PGCKA1: variants seen among roughly 807,000 people sequenced by gnomAD.
PGCKA1 encodes PDCD10 and GCKIII kinases associated 1.
At chr4:37,541,052 A>G in the PGCKA1 span, among the ~76,000 whole-genome samples, 1 of 143,884 alleles carries the variant, frequency 7.0e-6, no homozygotes, top group East Asian at 2.0e-4. Context: ...GAGAAGTCCC[A>G]GGCTGGCTGA....
At chr4:37,532,890 G>T in the PGCKA1 span, among the ~76,000 whole-genome samples, 2 of 151,856 alleles carry the variant, frequency 1.3e-5, no homozygotes, top group African/African-American at 4.8e-5. Flanking sequence ...ATGCATTTTT[G>T]TAGTGTGTGT....
At chr4:37,592,466 C>T in the PGCKA1 span, among the ~76,000 whole-genome samples, 1 of 151,806 alleles carries the variant, frequency 6.6e-6, no homozygotes, top group South Asian at 2.1e-4. Context: ...GATGCCATAA[C>T]TAAATGTCCT....
chr4:37,534,412 T>G, the PGCKA1 span, among the ~76,000 whole-genome samples: 1 of 152,170 alleles, frequency 6.6e-6, no homozygotes, highest in Non-Finnish European at 1.5e-5. Context: ...GACCAGACTG[T>G]CTTGAATCTA....
chr4:37,552,359 G>A, the PGCKA1 span, among the ~76,000 whole-genome samples: 1 of 152,144 alleles, frequency 6.6e-6, no homozygotes, highest in Non-Finnish European at 1.5e-5. Flanking sequence ...GTGCACTTGG[G>A]GAGCTCAGAT....
chr4:37,518,373 T>C, the PGCKA1 span, among the ~76,000 whole-genome samples: 2 of 152,350 alleles, frequency 1.3e-5, no homozygotes, highest in South Asian at 4.1e-4. Context: ...GTTGCACTAA[T>C]TTACATTCCC....
the PGCKA1 span, among the ~76,000 whole-genome samples, chr4:37,544,495 T>C: frequency 8.6e-6 from 1 of 116,554 alleles, no homozygotes; most frequent in Non-Finnish European, 1.9e-5. Context: ...ATGTCCTGGA[T>C]TGGTCTTCTA....
At chr4:37,504,856 T>A in the PGCKA1 span, among the ~76,000 whole-genome samples, 2 of 152,226 alleles carry the variant, frequency 1.3e-5, no homozygotes, top group Non-Finnish European at 2.9e-5. Context: ...AAGATCATAT[T>A]ATCTTCAAAT....
chr4:37,537,888 C>T, the PGCKA1 span, among the ~76,000 whole-genome samples: 1 of 152,160 alleles, frequency 6.6e-6, no homozygotes, highest in Non-Finnish European at 1.5e-5. Flanking sequence ...AGCTAGGACA[C>T]TGGAATGCTT....
the PGCKA1 span, among the ~76,000 whole-genome samples, chr4:37,550,686 C>T: frequency 7.9e-5 from 12 of 152,314 alleles, no homozygotes; most frequent in Admixed American, 2.0e-4. Flanking sequence ...CTATGATGAA[C>T]TAAATGTGCC....
chr4:37,544,234 G>GT, the PGCKA1 span, among the ~76,000 whole-genome samples: 8 of 151,992 alleles, frequency 5.3e-5, no homozygotes, highest in South Asian at 2.1e-4. Flanking sequence ...ATATCATTGA[G>GT]TTTTTTTTGT....
At chr4:37,511,583 C>T in the PGCKA1 span, among the ~76,000 whole-genome samples, 1 of 151,532 alleles carries the variant, frequency 6.6e-6, no homozygotes, top group East Asian at 2.0e-4. Flanking sequence ...AGATGCAAGA[C>T]AGTTGTCCTT....
At chr4:37,580,894 C>T in the PGCKA1 span, among the ~76,000 whole-genome samples, 1 of 152,170 alleles carries the variant, frequency 6.6e-6, no homozygotes, top group Non-Finnish European at 1.5e-5. Context: ...AGTCAAAATC[C>T]TTAGAGATCT....
the PGCKA1 span, among the ~76,000 whole-genome samples, chr4:37,468,955 T>C: frequency 6.6e-6 from 1 of 152,036 alleles, no homozygotes; most frequent in Non-Finnish European, 1.5e-5. Flanking sequence ...AGGATTTTGA[T>C]ATACAGTCAT....
At chr4:37,525,560 T>C in the PGCKA1 span, among the ~76,000 whole-genome samples, 25 of 152,262 alleles carry the variant, frequency 1.6e-4, no homozygotes, top group East Asian at 3.9e-3. Flanking sequence ...ATTCATGAAG[T>C]CTCAAGTCTT....
the PGCKA1 span, among the ~76,000 whole-genome samples, chr4:37,561,854 A>G: frequency 6.6e-6 from 1 of 152,226 alleles, no homozygotes; most frequent in Non-Finnish European, 1.5e-5. Flanking sequence ...TTATTTGCAT[A>G]TGTATTGTTA....
chr4:37,574,464 T>C, the PGCKA1 span, among the ~76,000 whole-genome samples: 1 of 152,296 alleles, frequency 6.6e-6, no homozygotes, highest in South Asian at 2.1e-4. Flanking sequence ...TTTAAAATTA[T>C]TTTTAATTTT....
the PGCKA1 span, among the ~76,000 whole-genome samples, chr4:37,516,346 A>G: frequency 6.6e-6 from 1 of 152,246 alleles, no homozygotes; most frequent in Admixed American, 6.5e-5. Flanking sequence ...AATAGTACTG[A>G]CCGAAATCGA....
chr4:37,570,920 C>G, the PGCKA1 span, among the ~76,000 whole-genome samples: 1 of 152,204 alleles, frequency 6.6e-6, no homozygotes, highest in Non-Finnish European at 1.5e-5. Context: ...CTCCTGCCTC[C>G]GGCTTGTAGT....
the PGCKA1 span, among the ~76,000 whole-genome samples, chr4:37,480,348 C>G: frequency 6.6e-6 from 1 of 152,138 alleles, no homozygotes; most frequent in Middle Eastern, 3.2e-3. Flanking sequence ...CAAAAATTAG[C>G]CGGGTATGCT....
Sources: allele counts gnomAD v4.1 joint callset (sites outside exome capture counted in the v4.1 genomes callset), GRCh38; gene constraint gnomAD v4.1.1; transcripts MANE v1.5; gene names NCBI Gene and HGNC (gene_info 2026-07-23, HGNC 2026-07-21).